The following ZNF585B variants were observed in gnomAD, a reference collection of about 807,000 sequenced individuals.
ZNF585B encodes zinc finger protein 41-like protein.
Under a neutral mutation model 14.0 loss-of-function variants are expected in ZNF585B, and 7 were observed. That is an observed-to-expected ratio of 0.50 (90% CI 0.28 to 0.94). The LOEUF (loss-of-function observed/expected upper bound fraction) is 0.94, where lower values mean the gene tolerates loss of function less well. Among genes scored for constraint, ZNF585B ranks in the 40% least tolerant of loss-of-function variants. The probability of loss-of-function intolerance (pLI) is 0.09; values close to 1 mark genes in which losing one functional copy is unlikely to be tolerated. For missense variants in ZNF585B, 750 were observed against 924.4 expected (o/e 0.81, Z 2.45); for synonymous variants, 290 against 317.3 (o/e 0.91, Z 0.91).
chr19:37,187,382 C>A (rs570988752), intron 4 of ZNF585B, 138 bp from the exon 5 acceptor site: 2 of 670,516 alleles, frequency 3.0e-6, no homozygotes, highest in Admixed American at 6.9e-5. Flanking sequence ...AAATAAGTCA[C>A]ACTGATAGGG....
Position 37,186,913 on chromosome 19 carries a change from AT to A in ZNF585B, c.623del (p.His208LeufsTer78). 1 of 1,614,152 alleles carries A rather than the reference AT, an allele frequency of 6.2e-7. No homozygotes were observed. Among genetic ancestry groups the A allele is most frequent in the Non-Finnish European group, 8.5e-7 (1 of 1,180,018 alleles). On this transcript the variant is annotated frameshift_variant, in exon 5 of 5. Coordinates refer to ENST00000532828, the MANE Select transcript of ZNF585B (RefSeq NM_152279.4). LOFTEE classifies it low-confidence loss of function (END_TRUNC). ...VSSLFRHHRI[H>X]TGEKLYECSE... is the part of the protein sequence containing the mutation. The stretch of plus-strand genomic sequence containing the variant: ...TACATTCATATAGTTTTTCTCCGGT[AT>A]GAATTCTGTGATGCCTGAAAAGAGA...
At position 37,183,781 on chromosome 19, in the gene ZNF585B, G is replaced by A. The variant is rs996990316; in HGVS notation, c.*1446C>T. 2 of 152,294 alleles carry A rather than the reference G, an allele frequency of 1.3e-5. No homozygotes were observed. Among genetic ancestry groups the A allele is most frequent in the East Asian group, 1.9e-4 (1 of 5,170 alleles). The allele number at this position is 152,294 out of a possible 1,614,324, so 9.4% of individuals were successfully genotyped here. On this transcript the variant is annotated 3_prime_UTR_variant, in exon 5 of 5. Coordinates refer to ENST00000532828, the MANE Select transcript of ZNF585B (RefSeq NM_152279.4). ...AAGTAGACAGTGAACATATGGTGGG[G>A]TTGGTTTTCATATGAGTTATCAATT...
chr19:37,201,550 C>T (rs1472635181), intron 2 of ZNF585B, among the ~76,000 whole-genome samples: 1 of 152,118 alleles, frequency 6.6e-6, no homozygotes, highest in East Asian at 1.9e-4. Context: ...TTCCTGTTTA[C>T]ACAGTGCCGG....
intron 4 of ZNF585B, among the ~76,000 whole-genome samples, chr19:37,189,100 GCTAATTTT>G (rs1470048895): frequency 6.6e-6 from 1 of 152,026 alleles, no homozygotes; most frequent in Non-Finnish European, 1.5e-5. Context: ...ACTACACCCA[GCTAATTTT>G]TGTATTTTTA....
At chr19:37,191,300 G>A (rs1434093198) in intron 2 of ZNF585B, among the ~76,000 whole-genome samples, 1 of 152,096 alleles carries the variant, frequency 6.6e-6, no homozygotes, top group Admixed American at 6.6e-5. Flanking sequence ...GGGTGCAGTG[G>A]CTCACGCCTG....
intron 2 of ZNF585B, chr19:37,195,919 G>A (rs149128127): frequency 0.018 from 2,705 of 152,328 alleles, 43 homozygotes; most frequent in Middle Eastern, 0.054. Flanking sequence ...TCAGCTACTC[G>A]GGAGGCTGAG....
chr19:37,204,315 A>C, intron 2 of ZNF585B, among the ~76,000 whole-genome samples: 1 of 152,218 alleles, frequency 6.6e-6, no homozygotes, highest in East Asian at 1.9e-4. Context: ...TCTGAGAGTT[A>C]GCCTCGTACT....
intron 1 of ZNF585B, among the ~76,000 whole-genome samples, chr19:37,208,257 C>A (rs896618190): frequency 6.6e-5 from 10 of 152,128 alleles, no homozygotes; most frequent in African/African-American, 2.4e-4. Context: ...AGGCGTGAGC[C>A]ACCGCGCCCA....
At chr19:37,198,839 G>C (rs1972500922) in intron 2 of ZNF585B, 2 of 546,944 alleles carry the variant, frequency 3.7e-6, no homozygotes, top group African/African-American at 1.9e-5. Flanking sequence ...GAGGTCACTG[G>C]ATTCAGGGGA....
At chr19:37,202,641 T>G (rs1161271919) in intron 2 of ZNF585B, among the ~76,000 whole-genome samples, 1 of 131,386 alleles carries the variant, frequency 7.6e-6, no homozygotes, top group South Asian at 2.2e-4. Context: ...ATTTGCATGG[T>G]TTTTTTTTTT....
rs1972279576 is a variant in ZNF585B at position 37,183,004 on chromosome 19, T to G, written c.*2223A>C. 1 of 152,240 alleles carries G rather than the reference T, an allele frequency of 6.6e-6. No homozygotes were observed. Among genetic ancestry groups the G allele is most frequent in the Non-Finnish European group, 1.5e-5 (1 of 68,110 alleles). 9.4% of individuals were successfully genotyped at this position (152,240 alleles called of 1,614,324 possible). A position where few individuals can be genotyped will look rare whatever the true frequency, so the allele number is the denominator to read the frequency against. On this transcript the variant is annotated 3_prime_UTR_variant, in exon 5 of 5. Transcript: ENST00000532828. ...GGGCAGGATGAGCAGGTGTGTGGAT[T>G]GGGTTCTGGAGTAAATGCGGCTCTG...
chr19:37,206,097 T>C (rs1193018822), intron 2 of ZNF585B, among the ~76,000 whole-genome samples: 2 of 148,188 alleles, frequency 1.3e-5, no homozygotes, highest in Non-Finnish European at 3.0e-5. Context: ...AATAAATAAA[T>C]AAATAATTTA....
chr19:37,189,972 G>A, intron 3 of ZNF585B, 52 bp downstream of exon 3: 1 of 1,603,950 alleles, frequency 6.2e-7, no homozygotes. Context: ...AACTGAGAAT[G>A]AAAACACTCT....
Position 37,186,623 on chromosome 19 carries a change from T to C in ZNF585B, c.914A>G (p.Lys305Arg), listed in dbSNP as rs1450659758. Residue 305 changes from lysine (K) to arginine (R), a missense_variant, in exon 5 of 5, where the codon AAA (lysine) becomes AGA (arginine). Physicochemically the swap from Lys to Arg is conservative, Grantham distance 26. This residue lies in a region of ZNF585B where 517 missense variants were observed against 570.3 expected (regional missense o/e 0.91). Coordinates refer to ENST00000532828, the MANE Select transcript of ZNF585B (RefSeq NM_152279.4). ...EKPYECNNCG[K>R]SFISKSQLQV... ...AAGTTGTGACTTGGAAATGAAGGAT[T>C]TGCCACAGTTATTGCATTCATATGG... The C allele has an allele frequency of 6.2e-7, 1 of 1,614,222 alleles. No individual in the cohort carries two copies. The highest frequency in any genetic ancestry group is 8.5e-7 in the Non-Finnish European group (1 of 1,180,038).
In ZNF585B at chr19:37,194,694, G is replaced by A. The variant is rs559521355; in HGVS notation, c.73-4544C>T. 5.3e-5 allele frequency among the ~76,000 whole-genome samples: 8 copies of A among 152,134 alleles called. No individual in the cohort carries two copies. In the East Asian group the frequency reaches 1.5e-3, roughly 29 times the overall value. The stretch of plus-strand genomic sequence containing the variant: ...CAGCAATTTATCAAAATACTAGACA[G>A]GAAATCATCAAATATACAGAAAAAG... On this transcript the variant is annotated intron_variant, in intron 2 of 4. Transcript: ENST00000532828.
chr19:37,188,711 C>T (rs1208187304), intron 4 of ZNF585B, among the ~76,000 whole-genome samples: 1 of 151,838 alleles, frequency 6.6e-6, no homozygotes, highest in Non-Finnish European at 1.5e-5. Flanking sequence ...GAAGAGAGAC[C>T]CTAACAGTGT....
rs180920870 is a variant in ZNF585B at position 37,199,440 on chromosome 19, G to A, written c.72+7600C>T. The A allele has an allele frequency of 6.8e-4, 308 of 449,892 alleles. 5 individuals are homozygous for A. In the East Asian group the frequency reaches 0.016, roughly 23 times the overall value. 27.9% of individuals were successfully genotyped at this position (449,892 alleles called of 1,614,324 possible). On this transcript the variant is annotated intron_variant, in intron 2 of 4. Coordinates refer to ENST00000532828, the MANE Select transcript of ZNF585B (RefSeq NM_152279.4). ...CTCGGCAGGCTAAGGTGGGGGGATCGATTGAACCTGGGAAGTCCAGGCTAC... is the reference window on the plus strand; with the variant it reads ...CTCGGCAGGCTAAGGTGGGGGGATCAATTGAACCTGGGAAGTCCAGGCTAC...
intron 2 of ZNF585B, among the ~76,000 whole-genome samples, chr19:37,191,869 T>C (rs1268639693): frequency 1.3e-5 from 2 of 151,896 alleles, no homozygotes; most frequent in African/African-American, 4.8e-5. Context: ...CTGTCTCTAC[T>C]AAAAATACAA....
At chr19:37,192,517 AAAAT>A (rs1972413481) in intron 2 of ZNF585B, among the ~76,000 whole-genome samples, 1 of 137,528 alleles carries the variant, frequency 7.3e-6, no homozygotes, top group Non-Finnish European at 1.6e-5. Context: ...AAAAAAAAAA[AAAAT>A]AAAATAAGGC....
Sources: allele counts gnomAD v4.1 joint callset (sites outside exome capture counted in the v4.1 genomes callset), GRCh38; gene constraint gnomAD v4.1.1; regional missense constraint gnomAD v4.1.1; transcripts MANE v1.5; gene names NCBI Gene and HGNC (gene_info 2026-07-23, HGNC 2026-07-21).